Variants in JMJD1C observed in about 807,000 individuals in gnomAD.
JMJD1C encodes jumonji domain containing 1C, also known as jumonji domain-containing protein 1C.
A neutral mutation model predicts 245.3 loss-of-function variants in JMJD1C; 31 were observed. The ratio of observed to expected loss-of-function variants is 0.13; its 90% confidence interval spans 0.09 to 0.17. The LOEUF (loss-of-function observed/expected upper bound fraction) is 0.17, where lower values mean the gene tolerates loss of function less well. Among genes scored for constraint, JMJD1C ranks in the 10% least tolerant of loss-of-function variants. The pLI is 1.00. For missense variants in JMJD1C, 2,691 were observed against 3,000.2 expected (o/e 0.90, Z 2.41); for synonymous variants, 1,057 against 1,017.4 (o/e 1.04, Z -0.74).
intron 10 of JMJD1C, chr10:63,204,592 G>A (rs1432321064): frequency 1.0e-6 from 1 of 985,192 alleles, no homozygotes; most frequent in African/African-American, 1.7e-5. Context: ...CTCACACTAA[G>A]CCTATTATGA....
chr10:63,462,413 T>C (rs12255712), intron 1 of JMJD1C, among the ~76,000 whole-genome samples: 1 of 152,244 alleles, frequency 6.6e-6, no homozygotes, highest in South Asian at 2.1e-4. Flanking sequence ...GAAATATGTT[T>C]GCTACCACGG....
intron 1 of JMJD1C, among the ~76,000 whole-genome samples, chr10:63,454,304 G>A (rs2133043932): frequency 6.7e-6 from 1 of 149,652 alleles, no homozygotes; most frequent in South Asian, 2.1e-4. Context: ...CTGTCACCCA[G>A]GCTGGAGTGC....
chr10:63,205,682 C>A (rs1004375874), intron 10 of JMJD1C, among the ~76,000 whole-genome samples: 2 of 152,154 alleles, frequency 1.3e-5, no homozygotes, highest in African/African-American at 4.8e-5. Context: ...ACCTAGCTTA[C>A]AAACCCGTAC....
At chr10:63,513,268 G>A (rs1287750621) in intron 1 of JMJD1C, among the ~76,000 whole-genome samples, 1 of 152,140 alleles carries the variant, frequency 6.6e-6, no homozygotes, top group Non-Finnish European at 1.5e-5. Context: ...GCAGGAGAAT[G>A]AAACTGGATG....
Position 63,213,462 on chromosome 10 carries a change from G to C in JMJD1C, c.2694+11C>G. 1 of 1,516,792 alleles carries C rather than the reference G, an allele frequency of 6.6e-7. No homozygotes were observed. Among genetic ancestry groups the C allele is most frequent in the Non-Finnish European group, 9.1e-7 (1 of 1,101,148 alleles). 94.0% of individuals were successfully genotyped at this position (1,516,792 alleles called of 1,614,324 possible). A position where few individuals can be genotyped will look rare whatever the true frequency, so the allele number is the denominator to read the frequency against. ...ATATACTGCTATGTGGCAAACTACA[G>C]TGTAACTTACCCTCCTTAATGAAGC... On this transcript the variant is annotated intron_variant, in intron 8 of 25. Transcript: ENST00000399262.
At chr10:63,265,058 T>C (rs1855372612) in intron 2 of JMJD1C, among the ~76,000 whole-genome samples, 1 of 152,196 alleles carries the variant, frequency 6.6e-6, no homozygotes, top group South Asian at 2.1e-4. Flanking sequence ...TGTAAAAATG[T>C]CTGCTTAAAA....
chr10:63,203,177 C>T (rs904700495), intron 10 of JMJD1C: 2 of 984,750 alleles, frequency 2.0e-6, no homozygotes, highest in African/African-American at 1.7e-5. Flanking sequence ...GACAAGGCCA[C>T]ACATGACTGC....
chr10:63,263,963 C>CAT (rs1175886416), intron 3 of JMJD1C, among the ~76,000 whole-genome samples: 2 of 58,152 alleles, frequency 3.4e-5, no homozygotes, highest in African/African-American at 1.0e-4. Context: ...TACACATACA[C>CAT]ACACACACAC....
At chr10:63,471,141 T>G (rs927362088) in intron 1 of JMJD1C, among the ~76,000 whole-genome samples, 3 of 152,144 alleles carry the variant, frequency 2.0e-5, no homozygotes, top group African/African-American at 7.2e-5. Context: ...TGCAAACAGG[T>G]TAGGTTCCAA....
At chr10:63,379,434 CCT>C (rs1362203680) in intron 2 of JMJD1C, among the ~76,000 whole-genome samples, 3 of 152,088 alleles carry the variant, frequency 2.0e-5, no homozygotes, top group African/African-American at 7.2e-5. Context: ...TTGTTTACTT[CCT>C]GTTTCTTTTC....
At chr10:63,461,070 T>C (rs1440253677) in intron 1 of JMJD1C, among the ~76,000 whole-genome samples, 1 of 152,192 alleles carries the variant, frequency 6.6e-6, no homozygotes, top group Non-Finnish European at 1.5e-5. Flanking sequence ...TACTGGGCGA[T>C]CATCACCTTC....
intron 2 of JMJD1C, among the ~76,000 whole-genome samples, chr10:63,346,013 G>A (rs1192636689): frequency 6.6e-6 from 1 of 152,136 alleles, no homozygotes; most frequent in East Asian, 1.9e-4. Context: ...ACGACTTTCT[G>A]TGTTTTTCAC....
chr10:63,247,353 T>C (rs1852352969), intron 3 of JMJD1C, among the ~76,000 whole-genome samples: 1 of 151,856 alleles, frequency 6.6e-6, no homozygotes, highest in Non-Finnish European at 1.5e-5. Context: ...GAAAAATGGA[T>C]AAATTCATGG....
intron 3 of JMJD1C, among the ~76,000 whole-genome samples, chr10:63,263,957 C>CAT (rs1225520102): frequency 3.0e-4 from 17 of 57,190 alleles, no homozygotes; most frequent in Non-Finnish European, 4.9e-4. Flanking sequence ...AAAAAATACA[C>CAT]ATACACACAC....
rs184213945 is a variant in JMJD1C, at chr10:63,414,043, G to A, written c.169-33561C>T. On this transcript the variant is annotated intron_variant, in intron 1 of 25. Transcript: ENST00000399262. The stretch of plus-strand genomic sequence containing the variant: ...GCACTGTCGACCAGGCTGGAGTGCA[G>A]TGGTGCGATCTTGGCTCACTGCAAG... 1.5e-3 allele frequency among the ~76,000 whole-genome samples: 217 copies of A among 147,400 alleles called. 1 individual carries two copies. The highest frequency in any genetic ancestry group is 5.1e-3 in the African/African-American group (201 of 39,050).
rs1847881838 is a variant in JMJD1C at position 63,215,535 on chromosome 10, C to T, written c.822+18G>A. 6.2e-7 allele frequency: 1 copy of T among 1,607,556 alleles called. No homozygotes were observed. The highest frequency in any genetic ancestry group is 8.5e-7 in the Non-Finnish European group (1 of 1,175,058). The stretch of plus-strand genomic sequence containing the variant: ...GGAAAAATATTTTACAGAAATTCAT[C>T]CCTAATAACATACATACGTGAACAG... On this transcript the variant is annotated intron_variant, in intron 6 of 25. Coordinates refer to ENST00000399262, the MANE Select transcript of JMJD1C (RefSeq NM_032776.3).
At chr10:63,374,917 T>C (rs1410303029) in intron 2 of JMJD1C, among the ~76,000 whole-genome samples, 1 of 152,198 alleles carries the variant, frequency 6.6e-6, no homozygotes, top group Non-Finnish European at 1.5e-5. Flanking sequence ...TAGGCTTTGT[T>C]GTGAAGTCTT....
chr10:63,302,966 C>T (rs1298055112), intron 2 of JMJD1C, among the ~76,000 whole-genome samples: 1 of 152,142 alleles, frequency 6.6e-6, no homozygotes, highest in Non-Finnish European at 1.5e-5. Flanking sequence ...TCACTGTAAC[C>T]TCGAACTCTT....
chr10:63,188,961 TATTA>T lies in JMJD1C; in HGVS notation c.6570+203_6570+206del, dbSNP rs1412624837. Among the ~76,000 whole-genome samples, 6 of 152,352 alleles carry T rather than the reference TATTA, an allele frequency of 3.9e-5. No individual in the cohort carries two copies. In the East Asian group the frequency reaches 1.2e-3, roughly 29 times the overall value. On this transcript the variant is annotated intron_variant, in intron 18 of 25. Transcript: ENST00000399262. ...TAACATAAAATAATCAACGTTTCCC[TATTA>T]ATTCATATTAAATCTGGCCAAAAAA...
Sources: allele counts gnomAD v4.1 joint callset (sites outside exome capture counted in the v4.1 genomes callset), GRCh38; gene constraint gnomAD v4.1.1; transcripts MANE v1.5; gene names NCBI Gene and HGNC (gene_info 2026-07-23, HGNC 2026-07-21).